ROR2: variants seen among roughly 807,000 people sequenced by gnomAD.
ROR2 encodes the protein ROR family WNT receptor 2, also known as tyrosine-protein kinase transmembrane receptor ROR2.
Under a neutral mutation model 74.9 loss-of-function variants are expected in ROR2, and 33 were observed. That is an observed-to-expected ratio of 0.44 (90% CI 0.33 to 0.59). The LOEUF (loss-of-function observed/expected upper bound fraction) is 0.59, where lower values mean the gene tolerates loss of function less well. Among genes scored for constraint, ROR2 ranks in the 20% least tolerant of loss-of-function variants. The pLI, the probability that ROR2 is intolerant of heterozygous loss-of-function variation, is 0.02. For synonymous variants in ROR2, 586 were observed against 558.7 expected, an observed-to-expected ratio of 1.05 and a Z score of -0.69; for missense variants, 1,216 against 1,313.8, an observed-to-expected ratio of 0.93 and a Z score of 1.15.
At chr9:91,793,019 A>C (rs2119011882) in intron 1 of ROR2, among the ~76,000 whole-genome samples, 1 of 152,358 alleles carries the variant, frequency 6.6e-6, no homozygotes, top group Admixed American at 6.5e-5. Flanking sequence ...AATCCTTCAT[A>C]GTCTCTTCCT....
At chr9:91,946,188 C>A (rs1832009588) in intron 1 of ROR2, among the ~76,000 whole-genome samples, 1 of 152,194 alleles carries the variant, frequency 6.6e-6, no homozygotes. Flanking sequence ...AAAATCCAGA[C>A]CTAGCTAGCA....
chr9:91,927,857 C>A (rs1415564244), intron 1 of ROR2, among the ~76,000 whole-genome samples: 1 of 152,162 alleles, frequency 6.6e-6, no homozygotes, highest in Non-Finnish European at 1.5e-5. Flanking sequence ...AGCCACCGCG[C>A]CCAGCCTCTA....
intron 7 of ROR2, among the ~76,000 whole-genome samples, chr9:91,730,552 C>T (rs1364253707): frequency 1.3e-5 from 2 of 152,120 alleles, no homozygotes; most frequent in Non-Finnish European, 2.9e-5. Flanking sequence ...CCTCCGCTTC[C>T]CAGGCTCAAG....
chr9:91,889,758 A>C (rs983707398), intron 1 of ROR2, among the ~76,000 whole-genome samples: 2 of 152,130 alleles, frequency 1.3e-5, no homozygotes, highest in East Asian at 1.9e-4. Flanking sequence ...AAGTCCAAAA[A>C]CTTAGCGCTA....
chr9:91,895,293 A>G (rs1830509697), intron 1 of ROR2, among the ~76,000 whole-genome samples: 2 of 152,228 alleles, frequency 1.3e-5, no homozygotes, highest in African/African-American at 4.8e-5. Flanking sequence ...TTTTTACGGC[A>G]TTGAAAAATA....
chr9:91,813,880 C>T (rs1827837515), intron 1 of ROR2, among the ~76,000 whole-genome samples: 1 of 152,160 alleles, frequency 6.6e-6, no homozygotes, highest in East Asian at 1.9e-4. Context: ...TGGAAATGAG[C>T]AAAACTCACT....
chr9:91,890,460 C>G (rs1052229142), intron 1 of ROR2, among the ~76,000 whole-genome samples: 1 of 152,190 alleles, frequency 6.6e-6, no homozygotes, highest in African/African-American at 2.4e-5. Context: ...GTTTTCTTCT[C>G]GTAGACGCTG....
At position 91,764,737 on chromosome 9, in the gene ROR2, A is replaced by AGG. The variant is rs1826011411; in HGVS notation, c.176-7179_176-7178insCC. Reference sequence around the variant, plus strand: ...ATCTCACTCCTTCCTCTTAGGTTCAATTGAGCTCATCCTGAATAACATTCA... The same window carrying AGG: ...ATCTCACTCCTTCCTCTTAGGTTCAAGGTTGAGCTCATCCTGAATAACATTCA... On this transcript the variant is annotated intron_variant, in intron 2 of 8. Coordinates refer to ENST00000375708, the MANE Select transcript of ROR2 (RefSeq NM_004560.4). Among the ~76,000 whole-genome samples, 3 of 152,278 alleles carry AGG rather than the reference A, an allele frequency of 2.0e-5. No homozygotes were observed. The South Asian group carries it at 6.2e-4, about 32-fold the overall frequency.
At chr9:91,740,530 T>C (rs10992076) in intron 4 of ROR2, among the ~76,000 whole-genome samples, 8,910 of 146,700 alleles carry the variant, frequency 0.061, 366 homozygotes, top group Middle Eastern at 0.1. Context: ...CCAGCCTGGG[T>C]GACAAAGCAA....
At chr9:91,865,999 C>T (rs760869748) in intron 1 of ROR2, among the ~76,000 whole-genome samples, 17 of 152,154 alleles carry the variant, frequency 1.1e-4, no homozygotes, top group African/African-American at 3.4e-4. Flanking sequence ...CAGCCAGGTG[C>T]GTGGTACAAT....
chr9:91,751,158 C>G (rs143326153), intron 4 of ROR2, among the ~76,000 whole-genome samples: 364 of 152,224 alleles, frequency 2.4e-3, no homozygotes, highest in African/African-American at 8.0e-3. Flanking sequence ...TTGGGATGCA[C>G]AGTCACTATA....
intron 7 of ROR2, among the ~76,000 whole-genome samples, chr9:91,730,175 T>C (rs1406859384): frequency 1.3e-5 from 2 of 152,120 alleles, no homozygotes; most frequent in South Asian, 2.1e-4. Flanking sequence ...GCTCCTGGGT[T>C]CAAGAGATCC....
At chr9:91,757,123 C>T in intron 3 of ROR2, 149 bp downstream of exon 3, 1 of 1,001,764 alleles carries the variant, frequency 1.0e-6, no homozygotes, top group Non-Finnish European at 1.5e-6. Context: ...GGCCCTGGGG[C>T]ACATGGGGAA....
At chr9:91,949,171 G>A (rs948173994) in intron 1 of ROR2, among the ~76,000 whole-genome samples, 3 of 151,460 alleles carry the variant, frequency 2.0e-5, no homozygotes, top group Non-Finnish European at 3.0e-5. Flanking sequence ...AGGGACCCGC[G>A]ATCCCAGTCA....
rs747984182 is a variant in ROR2, at chr9:91,724,274, C to T, written c.2220G>A (p.Lys740=). ...NEFPSRRPRF[K]DIHSRLRAWG... is the part of the protein sequence containing the mutation. ...AGGCTCGGAGCCGGCTGTGGATGTC[C>T]TTGAAGCGGGGCCGCCGGCTGGGGA... The change falls in exon 9 of 9, where the codon AAG becomes AAA. Residue 740 remains lysine (K), a synonymous_variant. Coordinates refer to ENST00000375708, the MANE Select transcript of ROR2 (RefSeq NM_004560.4). 1 of 1,613,470 alleles carries T rather than the reference C, an allele frequency of 6.2e-7. No individual in the cohort carries two copies. Among genetic ancestry groups the T allele is most frequent in the Admixed American group, 1.7e-5 (1 of 60,032 alleles).
At chr9:91,740,595 T>C (rs1329068262) in intron 4 of ROR2, among the ~76,000 whole-genome samples, 4 of 150,802 alleles carry the variant, frequency 2.7e-5, no homozygotes, top group African/African-American at 9.8e-5. Context: ...TATATACATA[T>C]ATATATCCCC....
chr9:91,731,256 C>T, intron 6 of ROR2, 101 bp from the exon 7 acceptor site: 1 of 1,532,180 alleles, frequency 6.5e-7, no homozygotes, highest in Non-Finnish European at 9.0e-7. Flanking sequence ...AAGGATTTTA[C>T]ATAACTTACC....
intron 2 of ROR2, among the ~76,000 whole-genome samples, chr9:91,770,326 G>A (rs1826187029): frequency 6.6e-6 from 1 of 152,034 alleles, no homozygotes; most frequent in Non-Finnish European, 1.5e-5. Flanking sequence ...CACCTGGCAG[G>A]AGGACATTCC....
intron 1 of ROR2, among the ~76,000 whole-genome samples, chr9:91,840,199 G>A (rs561281325): frequency 1.9e-4 from 29 of 152,300 alleles, no homozygotes; most frequent in African/African-American, 5.5e-4. Flanking sequence ...GGAGGGACCC[G>A]GGAGAGCAAG....
Sources: allele counts gnomAD v4.1 joint callset (sites outside exome capture counted in the v4.1 genomes callset), GRCh38; gene constraint gnomAD v4.1.1; transcripts MANE v1.5; gene names NCBI Gene and HGNC (gene_info 2026-07-23, HGNC 2026-07-21).